LEMD2: variants seen among roughly 807,000 people sequenced by gnomAD.
The protein encoded by LEMD2 is LEM domain-containing protein 2.
Under a neutral mutation model 58.8 loss-of-function variants are expected in LEMD2, and 34 were observed. The ratio of observed to expected loss-of-function variants is 0.58; its 90% confidence interval spans 0.44 to 0.77. The LOEUF (loss-of-function observed/expected upper bound fraction) is 0.77, where lower values mean the gene tolerates loss of function less well. Among genes scored for constraint, LEMD2 ranks in the 30% least tolerant of loss-of-function variants. LEMD2 has a pLI of 0.00. For synonymous variants in LEMD2, 298 were observed against 308.9 expected, an observed-to-expected ratio of 0.96 and a Z score of 0.37; for missense variants, 629 against 717.9, an observed-to-expected ratio of 0.88 and a Z score of 1.42.
At chr6:33,780,034 T>G in intron 5 of LEMD2, 66 bp downstream of exon 5, 1 of 1,342,458 alleles carries the variant, frequency 7.4e-7, no homozygotes, top group Non-Finnish European at 1.0e-6. Flanking sequence ...AGCACGGGTG[T>G]TAGCTGACGA....
Position 33,788,249 on chromosome 6 carries a change from C to T in LEMD2, c.736+132G>A, listed in dbSNP as rs6457741. ...TTCCCACAGCTGGAAGAAGGCAGGC[C>T]TGGAAATGAGAAGACAGTCAGAGGC... On this transcript the variant is annotated intron_variant, in intron 1 of 8. Transcript: ENST00000293760. 0.55 allele frequency: 517,622 copies of T among 947,388 alleles called. 145,569 individuals carry two copies. Among genetic ancestry groups the T allele is most frequent in the East Asian group, 0.82 (25,767 of 31,506 alleles). The allele number at this position is 947,388 out of a possible 1,614,324, so 58.7% of individuals were successfully genotyped here.
intron 3 of LEMD2, 180 bp from the exon 4 acceptor site, chr6:33,781,333 G>A (rs907542943): frequency 1.3e-5 from 8 of 594,140 alleles, no homozygotes; most frequent in East Asian, 1.1e-4. Context: ...AGCTTGGATC[G>A]ATTCCAGATC....
chr6:33,786,631 A>C (rs1251529092), intron 2 of LEMD2, 103 bp downstream of exon 2: 5 of 841,078 alleles, frequency 5.9e-6, no homozygotes, highest in Non-Finnish European at 8.0e-6. Flanking sequence ...TACAGGAAGC[A>C]CTCCCTGAAA....
chr6:33,780,091 C>G lies in LEMD2; in HGVS notation c.1010+9G>C. 6.3e-7 allele frequency: 1 copy of G among 1,582,230 alleles called. No homozygotes were observed. The highest frequency in any genetic ancestry group is 8.6e-7 in the Non-Finnish European group (1 of 1,162,534). On this transcript the variant is annotated intron_variant, in intron 5 of 8. Transcript: ENST00000293760. Reference sequence around the variant, plus strand: ...ACCCATGCTGCGTCGCCACCCTGCCCACACTCACCAGATGCCCACGTCCTT... The same window carrying G: ...ACCCATGCTGCGTCGCCACCCTGCCGACACTCACCAGATGCCCACGTCCTT...
intron 1 of LEMD2, 193 bp from the exon 2 acceptor site, chr6:33,786,967 G>C: frequency 4.6e-6 from 6 of 1,302,178 alleles, no homozygotes; most frequent in Non-Finnish European, 6.1e-6. Context: ...TCCTGGATTA[G>C]GAATTACGAT....
Position 33,778,323 on chromosome 6 carries a change from C to T in LEMD2, c.1075G>A (p.Ala359Thr). 6.2e-7 allele frequency: 1 copy of T among 1,607,946 alleles called. No individual in the cohort carries two copies. Among genetic ancestry groups the T allele is most frequent in the Non-Finnish European group, 8.5e-7 (1 of 1,176,704 alleles). Residue 359 changes from alanine to threonine, a missense_variant, in exon 6 of 9, where the codon GCC (alanine) becomes ACC (threonine). Transcript: ENST00000293760. The surrounding 1 kb of genome is among the most constrained non-coding windows in gnomAD (Gnocchi z 4.7). Reference sequence around the variant, plus strand: ...CAGCCAACACCCATGCGGGGGTGGGCAGATTCCAGGCAGACCACCTTGTCC... The same window carrying T: ...CAGCCAACACCCATGCGGGGGTGGGTAGATTCCAGGCAGACCACCTTGTCC... ...TVDKVVCLES[A>T]HPRMGVGCRL...
At chr6:33,787,092 TAACTC>T (rs1767694418) in intron 1 of LEMD2, 1 of 352,582 alleles carries the variant, frequency 2.8e-6, no homozygotes, top group Admixed American at 4.5e-5. Context: ...CTTCCCTGCT[TAACTC>T]AGGGAGTTAG....
chr6:33,780,041 A>G, intron 5 of LEMD2, 59 bp downstream of exon 5: 1 of 1,397,818 alleles, frequency 7.2e-7, no homozygotes, highest in Non-Finnish European at 9.9e-7. Flanking sequence ...GTGTTAGCTG[A>G]CGAGCGAGGA....
intron 8 of LEMD2, among the ~76,000 whole-genome samples, chr6:33,776,052 G>A (rs148154317): frequency 0.016 from 2,450 of 152,218 alleles, 72 homozygotes; most frequent in African/African-American, 0.052. Context: ...GGACCCCAGT[G>A]TACAACTCCA....
At position 33,788,462 on chromosome 6, in the gene LEMD2, G is replaced by A; in HGVS notation, c.655C>T (p.Leu219=). ...CCCAGGAAGACGAGCAGTAGCCCTA[G>A]GCTGGCCCAGAGCAGAAGCCGAGAG... ...WLSRLLLWAS[L]GLLLVFLGIL... is the part of the protein sequence containing the mutation. The change falls in exon 1 of 9, where the codon CTA becomes TTA. Residue 219 remains leucine, a synonymous_variant. Transcript: ENST00000293760. 6.4e-7 allele frequency: 1 copy of A among 1,569,114 alleles called. No homozygotes were observed. Among genetic ancestry groups the A allele is most frequent in the African/African-American group, 1.4e-5 (1 of 73,450 alleles).
intron 8 of LEMD2, 94 bp downstream of exon 8, chr6:33,776,860 A>G (rs1467595322): frequency 1.0e-6 from 1 of 1,001,572 alleles, no homozygotes; most frequent in East Asian, 2.6e-5. Flanking sequence ...CCCTCAGCTG[A>G]CATCTGATGC....
In LEMD2 at chr6:33,788,340, C is replaced by A. The variant is rs542164939; in HGVS notation, c.736+41G>T. On this transcript the variant is annotated intron_variant, in intron 1 of 8. Transcript: ENST00000293760. ...AACGGGGGGTCCTCCGGCGGACACA[C>A]GCGCGCCCAGGGCCCTCCCCTGCGC... 19 of 1,505,150 alleles carry A rather than the reference C, an allele frequency of 1.3e-5. No homozygotes were observed. In the African/African-American group the frequency reaches 2.0e-4, roughly 16 times the overall value. 93.2% of individuals were successfully genotyped at this position (1,505,150 alleles called of 1,614,324 possible).
chr6:33,775,581 C>T (rs1001432959), intron 8 of LEMD2, among the ~76,000 whole-genome samples: 1 of 152,182 alleles, frequency 6.6e-6, no homozygotes, highest in Non-Finnish European at 1.5e-5. Context: ...TCCCAAAATG[C>T]TGGGATTACA....
At position 33,781,902 on chromosome 6, in the gene LEMD2, C is replaced by T. The variant is rs557230709; in HGVS notation, c.854-749G>A. On this transcript the variant is annotated intron_variant, in intron 3 of 8. Coordinates refer to ENST00000293760, the MANE Select transcript of LEMD2 (RefSeq NM_181336.4). ...AGCAGGGAGGGTGCAGGGCCACGCA[C>T]GCATACACTATTTAACACGTGTGCG... 5 of 152,436 alleles carry T rather than the reference C, an allele frequency of 3.3e-5. No homozygotes were observed. The East Asian group carries it at 5.8e-4, about 18-fold the overall frequency. The allele number at this position is 152,436 out of a possible 1,614,324, so 9.4% of individuals were successfully genotyped here.
intron 2 of LEMD2, among the ~76,000 whole-genome samples, chr6:33,784,879 A>G (rs1240648792): frequency 6.6e-6 from 1 of 152,216 alleles, no homozygotes; most frequent in Non-Finnish European, 1.5e-5. Flanking sequence ...AGCAGCTGCC[A>G]TCTCGTCTCC....
Position 33,788,984 on chromosome 6 carries a change from G to A in LEMD2, c.133C>T (p.Arg45Cys). Reference sequence around the variant, plus strand: ...TCCTCCCGCAGCCGCTCCTCGTCGCGCAGCCGGGCCTCGCCCCGCAGGCGG... The same window carrying A: ...TCCTCCCGCAGCCGCTCCTCGTCGCACAGCCGGGCCTCGCCCCGCAGGCGG... Reference protein sequence around the residue: ...LRRLRGEARLRDEERLREEAR... With the variant: ...LRRLRGEARLCDEERLREEAR... The change falls in exon 1 of 9, where the codon CGC becomes TGC. Residue 45 changes from arginine to cysteine, a missense_variant. Arg to Cys is a radical substitution (Grantham distance 180). This residue lies in a region of LEMD2 where 386 missense variants were observed against 381.1 expected (regional missense o/e 1.01). Coordinates refer to ENST00000293760, the MANE Select transcript of LEMD2 (RefSeq NM_181336.4). 2 of 1,543,348 alleles carry A rather than the reference G, an allele frequency of 1.3e-6. No homozygotes were observed. The highest frequency in any genetic ancestry group is 1.9e-5 in the Admixed American group (1 of 51,332).
chr6:33,772,908 G>T, intron 8 of LEMD2, 130 bp from the exon 9 acceptor site: 1 of 784,776 alleles, frequency 1.3e-6, no homozygotes, highest in Non-Finnish European at 2.0e-6. Flanking sequence ...AAGCTGGCAG[G>T]TACTAACATG....
intron 2 of LEMD2, 66 bp from the exon 3 acceptor site, chr6:33,784,493 T>G (rs1394339649): frequency 1.2e-6 from 1 of 835,700 alleles, no homozygotes; most frequent in African/African-American, 1.7e-5. Flanking sequence ...CTGTCCATCT[T>G]TACTTCTCCA....
Position 33,788,929 on chromosome 6 carries a change from C to T in LEMD2, c.188G>A (p.Arg63Gln). 1.3e-6 allele frequency: 2 copies of T among 1,491,972 alleles called. No individual in the cohort carries two copies. Among genetic ancestry groups the T allele is most frequent in the Non-Finnish European group, 1.8e-6 (2 of 1,128,694 alleles). The allele number at this position is 1,491,972 out of a possible 1,614,324, so 92.4% of individuals were successfully genotyped here. The change falls in exon 1 of 9, where the codon CGG becomes CAG. Residue 63 changes from arginine to glutamine, a missense_variant. Physicochemically the swap from Arg to Gln is conservative, Grantham distance 43. Transcript: ENST00000293760. ...EARPRGEERLREEARLREDAP... is the reference protein window; with the variant it reads ...EARPRGEERLQEEARLREDAP... ...ATCCTCGCGTAACCGGGCCTCTTCC[C>T]GTAACCGCTCCTCGCCCCGCGGCCG...
Sources: gnomAD v4.1 joint callset for allele counts (sites outside exome capture counted in the v4.1 genomes callset) on GRCh38, gnomAD v4.1.1 for gene constraint, gnomAD v4.1.1 regional missense constraint, Gnocchi (gnomAD v3.1) non-coding constraint, MANE v1.5 for transcripts, NCBI Gene and HGNC (gene_info 2026-07-23, HGNC 2026-07-21) for gene names.